Variants in PPP2R5E observed in about 807,000 individuals in gnomAD.
The protein encoded by PPP2R5E is protein phosphatase 2 regulatory subunit B'epsilon.
In PPP2R5E, 4 loss-of-function variants were observed where a neutral mutation model predicts 65.3. That is an observed-to-expected ratio of 0.06 (90% CI 0.03 to 0.14). The LOEUF is 0.14. PPP2R5E is among the 10% of genes least tolerant of loss of function. PPP2R5E has a pLI of 1.00. For synonymous variants in PPP2R5E, 183 were observed against 187.4 expected (o/e 0.98, Z 0.19); for missense variants, 274 against 556.1 (o/e 0.49, Z 5.10).
chr14:63,438,634 C>T (rs1233639638), intron 3 of PPP2R5E, among the ~76,000 whole-genome samples: 1 of 152,146 alleles, frequency 6.6e-6, no homozygotes, highest in Admixed American at 6.5e-5. Context: ...AGACAAGTCA[C>T]AGCTGTCAAA....
chr14:63,461,343 G>A (rs59039742), intron 2 of PPP2R5E, among the ~76,000 whole-genome samples: 37,727 of 136,550 alleles, frequency 0.28, 5,189 homozygotes, highest in African/African-American at 0.45. Flanking sequence ...TAAAATTACA[G>A]AAAAAAAAAA....
intron 5 of PPP2R5E, among the ~76,000 whole-genome samples, chr14:63,409,577 A>G (rs181349318): frequency 2.0e-4 from 30 of 152,326 alleles, no homozygotes; most frequent in Admixed American, 1.8e-3. Context: ...ATCTCATTTT[A>G]TCTCATAACA....
intron 5 of PPP2R5E, among the ~76,000 whole-genome samples, chr14:63,406,227 T>C (rs1244540309): frequency 6.6e-6 from 1 of 152,016 alleles, no homozygotes; most frequent in South Asian, 2.1e-4. Flanking sequence ...CTGCCCAACA[T>C]GGTGAAACCT....
chr14:63,382,824 T>C (rs924975165), intron 12 of PPP2R5E, among the ~76,000 whole-genome samples: 4 of 152,230 alleles, frequency 2.6e-5, no homozygotes, highest in Non-Finnish European at 5.9e-5. Flanking sequence ...GTGATAGCAC[T>C]AACCTTAGAC....
At chr14:63,386,559 A>G (rs1181791338) in intron 11 of PPP2R5E, among the ~76,000 whole-genome samples, 1 of 152,202 alleles carries the variant, frequency 6.6e-6, no homozygotes, top group East Asian at 1.9e-4. Flanking sequence ...ATAAAGTGTC[A>G]GGGGAAGGAG....
At chr14:63,380,024 A>G (rs1011238618) in intron 13 of PPP2R5E, among the ~76,000 whole-genome samples, 18 of 151,394 alleles carry the variant, frequency 1.2e-4, no homozygotes, top group African/African-American at 4.1e-4. Context: ...TAGTAGAGAC[A>G]GGGTTTCACC....
intron 5 of PPP2R5E, among the ~76,000 whole-genome samples, chr14:63,399,358 A>ATTTCTTTC (rs1406998317): frequency 2.4e-5 from 2 of 84,808 alleles, no homozygotes; most frequent in Non-Finnish European, 4.9e-5. Context: ...ATAGGTCTGG[A>ATTTCTTTC]TTTCTTTCTT....
rs1033919986 is a variant in PPP2R5E, at chr14:63,420,824, G to A, written c.456+1169C>T. Among the ~76,000 whole-genome samples the A allele has an allele frequency of 3.2e-4, 45 of 141,508 alleles. 8 individuals carry two copies. Among genetic ancestry groups the A allele is most frequent in the African/African-American group, 1.2e-3 (43 of 34,692 alleles). 92.8% of individuals were successfully genotyped at this position (141,508 alleles called of 152,430 possible). ...TCCCAGCACTTTGGGAGGCCGAGGC[G>A]GGCGGATCACGAGGTCAAGAGATCG... On this transcript the variant is annotated intron_variant, in intron 4 of 13. Transcript: ENST00000337537.
At chr14:63,478,488 TC>T (rs1489114243) in intron 2 of PPP2R5E, among the ~76,000 whole-genome samples, 5 of 152,190 alleles carry the variant, frequency 3.3e-5, no homozygotes, top group African/African-American at 1.2e-4. Context: ...TTTATACATC[TC>T]TTTAACATCT....
chr14:63,519,691 T>A (rs1892812049), intron 2 of PPP2R5E, among the ~76,000 whole-genome samples: 1 of 144,360 alleles, frequency 6.9e-6, no homozygotes, highest in African/African-American at 2.6e-5. Flanking sequence ...TGAGACAGAG[T>A]TGCTCTGTTA....
chr14:63,379,271 G>A (rs1884174356), intron 13 of PPP2R5E, among the ~76,000 whole-genome samples: 2 of 151,774 alleles, frequency 1.3e-5, no homozygotes, highest in Non-Finnish European at 2.9e-5. Context: ...CTCGTGATCC[G>A]CCCGCCTCGG....
chr14:63,538,376 C>T (rs1295350438), intron 2 of PPP2R5E, among the ~76,000 whole-genome samples: 3 of 151,794 alleles, frequency 2.0e-5, no homozygotes, highest in Admixed American at 6.6e-5. Flanking sequence ...TCTCCTGCCT[C>T]GGCTTCCCGA....
rs1485056213 is a variant in PPP2R5E, at chr14:63,371,579, T to C, written c.*4430A>G. The C allele has an allele frequency of 6.6e-6, 1 of 152,266 alleles. No individual in the cohort carries two copies. The highest frequency in any genetic ancestry group is 2.4e-5 in the African/African-American group (1 of 41,468). The allele number at this position is 152,266 out of a possible 1,614,324, so 9.4% of individuals were successfully genotyped here. Reference sequence around the variant, plus strand: ...TGTGGTGTTTGAAAAGGAAGTAGCATGTTTTAGCCAGAGGTGGAAGATTGT... The same window carrying C: ...TGTGGTGTTTGAAAAGGAAGTAGCACGTTTTAGCCAGAGGTGGAAGATTGT... On this transcript the variant is annotated 3_prime_UTR_variant, in exon 14 of 14. Coordinates refer to ENST00000337537, the MANE Select transcript of PPP2R5E (RefSeq NM_006246.5).
intron 2 of PPP2R5E, among the ~76,000 whole-genome samples, chr14:63,505,061 G>T (rs370486846): frequency 6.6e-6 from 1 of 152,194 alleles, no homozygotes; most frequent in African/African-American, 2.4e-5. Flanking sequence ...CCGGCCGGGC[G>T]TGGTGGCTCA....
At chr14:63,431,181 T>C (rs1007348068) in intron 3 of PPP2R5E, among the ~76,000 whole-genome samples, 2 of 151,922 alleles carry the variant, frequency 1.3e-5, no homozygotes, top group African/African-American at 4.8e-5. Flanking sequence ...GGCAGGAGAA[T>C]TGCTTGAACC....
intron 2 of PPP2R5E, among the ~76,000 whole-genome samples, chr14:63,501,483 T>C (rs967322667): frequency 1.3e-5 from 2 of 151,318 alleles, no homozygotes; most frequent in African/African-American, 4.9e-5. Flanking sequence ...AATAGGCAAA[T>C]CCAGAGATAC....
chr14:63,493,879 C>G (rs1396120935), intron 2 of PPP2R5E, among the ~76,000 whole-genome samples: 2 of 152,054 alleles, frequency 1.3e-5, no homozygotes, highest in Non-Finnish European at 2.9e-5. Context: ...AGATGATGTT[C>G]CAACTCCTAA....
intron 2 of PPP2R5E, among the ~76,000 whole-genome samples, chr14:63,491,351 T>A (rs1242803940): frequency 2.0e-5 from 3 of 152,002 alleles, no homozygotes; most frequent in Non-Finnish European, 4.4e-5. Flanking sequence ...AACAAACCTG[T>A]ACGTGGACTC....
chr14:63,490,368 A>G (rs959106141), intron 2 of PPP2R5E, among the ~76,000 whole-genome samples: 5 of 152,156 alleles, frequency 3.3e-5, no homozygotes, highest in African/African-American at 1.2e-4. Flanking sequence ...GGAATGCAAT[A>G]AAATCAAAAG....
Sources: gnomAD v4.1 joint callset for allele counts (sites outside exome capture counted in the v4.1 genomes callset) on GRCh38, gnomAD v4.1.1 for gene constraint, MANE v1.5 for transcripts, NCBI Gene and HGNC (gene_info 2026-07-23, HGNC 2026-07-21) for gene names.